ESRRG: variants seen among roughly 807,000 people sequenced by gnomAD.
ESRRG encodes estrogen-related receptor gamma.
A neutral mutation model predicts 44.0 loss-of-function variants in ESRRG; 13 were observed. The observed-to-expected ratio is 0.30, with a 90% CI of 0.19 to 0.47. The LOEUF (loss-of-function observed/expected upper bound fraction) is 0.47. ESRRG is among the 20% of genes least tolerant of loss of function. The probability of loss-of-function intolerance (pLI) is 1.00; values close to 1 mark genes in which losing one functional copy is unlikely to be tolerated. For synonymous variants in ESRRG, 215 were observed against 214.6 expected (o/e 1.00, Z -0.02); for missense variants, 395 against 580.6 (o/e 0.68, Z 3.29).
Position 216,568,021 on chromosome 1 carries a change from T to A in ESRRG, c.667A>T (p.Asn223Tyr), listed in dbSNP as rs201478526. 1 of 1,613,784 alleles carries A rather than the reference T, an allele frequency of 6.2e-7. No individual in the cohort carries two copies. The highest frequency in any genetic ancestry group is 1.7e-5 in the Admixed American group (1 of 60,010). Residue 223 changes from asparagine to tyrosine, a missense_variant, in exon 4 of 7, where the codon AAC becomes TAC. Physicochemically the swap from Asn to Tyr is moderately radical, Grantham distance 143. Transcript: ENST00000408911. ...RIDAENSPYL[N>Y]PQLVQPAKKP... ...TTGGCTGGCTGAACCAGCTGAGGGT[T>A]CAGGTATGGGCTGTTCTCCGCATCT...
chr1:217,034,531 C>A (rs1235182343), intron 1 of ESRRG, among the ~76,000 whole-genome samples: 1 of 152,176 alleles, frequency 6.6e-6, no homozygotes, highest in Non-Finnish European at 1.5e-5. Context: ...CGGACCTGGC[C>A]TTCTGCAGCA....
In ESRRG at chr1:216,804,212, A is replaced by G. The variant is rs191306493; in HGVS notation, c.-13-126721T>C. ...GTTTCTCAACTCTGTTTAGGTAGCA[A>G]TGTCTCGTCAATATCTCATTCAGGT... On this transcript the variant is annotated intron_variant, in intron 2 of 7. Transcript: ENST00000359162. Among the ~76,000 whole-genome samples, 12 of 152,242 alleles carry G rather than the reference A, an allele frequency of 7.9e-5. 1 individual carries two copies. Among genetic ancestry groups the G allele is most frequent in the African/African-American group, 2.6e-4 (11 of 41,548 alleles).
chr1:217,098,868 C>A (rs996312827), intron 1 of ESRRG, among the ~76,000 whole-genome samples: 4 of 152,122 alleles, frequency 2.6e-5, no homozygotes, highest in East Asian at 3.9e-4. Flanking sequence ...TTCCTCAGCT[C>A]CCTCAAGACT....
At chr1:217,098,053 G>C (rs830313) in intron 1 of ESRRG, among the ~76,000 whole-genome samples, 5 of 152,182 alleles carry the variant, frequency 3.3e-5, no homozygotes, top group Non-Finnish European at 5.9e-5. Flanking sequence ...CAAAGTTTGA[G>C]AGTCACTGGC....
At chr1:217,105,642 A>G (rs72743311) in intron 1 of ESRRG, among the ~76,000 whole-genome samples, 3 of 152,142 alleles carry the variant, frequency 2.0e-5, no homozygotes, top group African/African-American at 7.2e-5. Flanking sequence ...CCCGATGCTG[A>G]TGCTGACTCC....
At chr1:216,507,218 A>G (rs750331740) in intron 6 of ESRRG, 35 bp from the exon 7 acceptor site, 1 of 1,473,358 alleles carries the variant, frequency 6.8e-7, no homozygotes, top group East Asian at 2.3e-5. Context: ...AGTAATTATA[A>G]TAATAATAGC....
chr1:216,564,265 G>A lies in ESRRG; in HGVS notation c.816C>T (p.Ala272=), dbSNP rs201736793. The A allele has an allele frequency of 9.4e-6, 15 of 1,587,544 alleles. No individual in the cohort carries two copies. In the East Asian group the frequency reaches 1.4e-4, roughly 15 times the overall value. ...CAATGATAACCACCAACTCTCGGTC[G>A]GCCAAGTCACACAGTGTAGTGAGGG... The part of the protein sequence containing the change: ...IKALTTLCDL[A]DRELVVIIGW... Residue 272 remains alanine (A), a synonymous_variant, in exon 5 of 7, where the codon GCC becomes GCT. Coordinates refer to ENST00000408911, the MANE Select transcript of ESRRG (RefSeq NM_001438.4).
At chr1:216,942,092 A>G (rs1008771868) in intron 1 of ESRRG, among the ~76,000 whole-genome samples, 15 of 135,226 alleles carry the variant, frequency 1.1e-4, no homozygotes, top group Non-Finnish European at 2.1e-4. Flanking sequence ...TGGAGTCCCC[A>G]GTGTCTATTG....
At chr1:216,898,338 C>G (rs2058662691) in intron 2 of ESRRG, among the ~76,000 whole-genome samples, 1 of 152,136 alleles carries the variant, frequency 6.6e-6, no homozygotes, top group South Asian at 2.1e-4. Context: ...TGGTACATGG[C>G]CAGGCACGGT....
chr1:217,131,897 C>A (rs2092971641), intron 1 of ESRRG, among the ~76,000 whole-genome samples: 2 of 152,144 alleles, frequency 1.3e-5, no homozygotes, highest in Non-Finnish European at 2.9e-5. Flanking sequence ...CAGCTCTTTG[C>A]CTTGAAATGT....
chr1:216,874,387 T>C (rs1354045595), intron 2 of ESRRG, among the ~76,000 whole-genome samples: 2 of 152,184 alleles, frequency 1.3e-5, no homozygotes, highest in African/African-American at 4.8e-5. Flanking sequence ...GATTCCAAAC[T>C]GAATGTATTA....
At chr1:216,888,391 T>G (rs1371370580) in intron 2 of ESRRG, among the ~76,000 whole-genome samples, 1 of 152,230 alleles carries the variant, frequency 6.6e-6, no homozygotes, top group East Asian at 1.9e-4. Context: ...AATTTCAATC[T>G]AGGAATAATT....
At chr1:216,573,082 T>C (rs887487562) in intron 3 of ESRRG, among the ~76,000 whole-genome samples, 1 of 151,992 alleles carries the variant, frequency 6.6e-6, no homozygotes, top group Non-Finnish European at 1.5e-5. Flanking sequence ...TGGCCTAAAA[T>C]TTTTAGCCTT....
At chr1:216,507,266 A>C in intron 6 of ESRRG, 83 bp from the exon 7 acceptor site, 1 of 941,370 alleles carries the variant, frequency 1.1e-6, no homozygotes, top group Non-Finnish European at 1.5e-6. Flanking sequence ...TTAGTTATTA[A>C]TTTAATTATT....
At chr1:216,864,552 A>T (rs760747515) in intron 2 of ESRRG, 2 of 135,794 alleles carry the variant, frequency 1.5e-5, no homozygotes, top group South Asian at 2.2e-4. Context: ...AAGGAAATAA[A>T]AAAACAAAAA....
intron 2 of ESRRG, among the ~76,000 whole-genome samples, chr1:216,755,179 ACTTTTTT>A (rs2092369006): frequency 1.3e-5 from 2 of 152,022 alleles, no homozygotes; most frequent in Non-Finnish European, 2.9e-5. Context: ...AACTGACTTT[ACTTTTTT>A]TCAAAGCAGC....
intron 2 of ESRRG, among the ~76,000 whole-genome samples, chr1:216,743,046 A>C (rs932483360): frequency 3.9e-5 from 6 of 152,322 alleles, no homozygotes; most frequent in Non-Finnish European, 8.8e-5. Flanking sequence ...ATATTTGCTT[A>C]ATGGAGTGAA....
chr1:217,088,536 T>A (rs1383057644), intron 1 of ESRRG, among the ~76,000 whole-genome samples: 1 of 151,420 alleles, frequency 6.6e-6, no homozygotes, highest in Non-Finnish European at 1.5e-5. Context: ...CTGGTTCTGG[T>A]ACTACAACAC....
chr1:216,725,701 C>CA (rs1218307589), upstream of ESRRG, among the ~76,000 whole-genome samples: 13 of 152,080 alleles, frequency 8.5e-5, no homozygotes, highest in African/African-American at 3.1e-4. Flanking sequence ...TACACACACA[C>CA]ACAAAAAAGA....
Sources: gnomAD v4.1 joint callset for allele counts (sites outside exome capture counted in the v4.1 genomes callset) on GRCh38, gnomAD v4.1.1 for gene constraint, MANE v1.5 for transcripts, NCBI Gene and HGNC (gene_info 2026-07-23, HGNC 2026-07-21) for gene names.